SGCD: variants seen among roughly 807,000 people sequenced by gnomAD.
SGCD encodes delta-sarcoglycan.
In SGCD, 18 loss-of-function variants were observed where a neutral mutation model predicts 36.6. The observed-to-expected ratio is 0.49, with a 90% confidence interval of 0.34 to 0.73. SGCD has a LOEUF of 0.73. Ranked by LOEUF, SGCD falls within the 30% of genes least tolerant of loss-of-function variation. The pLI is 0.01. For synonymous variants in SGCD, 133 were observed against 130.6 expected, an observed-to-expected ratio of 1.02 and a Z score of -0.12; for missense variants, 387 against 346.7, an observed-to-expected ratio of 1.12 and a Z score of -0.92.
chr5:155,748,081 C>A, the SGCD span, among the ~76,000 whole-genome samples: 2 of 152,096 alleles, frequency 1.3e-5, no homozygotes, highest in South Asian at 4.2e-4. Context: ...CCAACTCTGA[C>A]CAGGGCTGCT....
intron 1 of SGCD, among the ~76,000 whole-genome samples, chr5:156,098,663 C>T (rs1025592254): frequency 2.0e-5 from 3 of 150,668 alleles, no homozygotes; most frequent in Non-Finnish European, 2.9e-5. Context: ...CACACACACA[C>T]ATTCTCTTTC....
At chr5:156,114,972 T>C (rs987704104) in intron 1 of SGCD, among the ~76,000 whole-genome samples, 2 of 152,048 alleles carry the variant, frequency 1.3e-5, no homozygotes, top group Non-Finnish European at 2.9e-5. Flanking sequence ...ACTTTTATAA[T>C]ATTGTATTAT....
At chr5:156,595,752 C>G (rs1053166292) in intron 6 of SGCD, among the ~76,000 whole-genome samples, 2 of 152,192 alleles carry the variant, frequency 1.3e-5, no homozygotes, top group South Asian at 4.1e-4. Flanking sequence ...GAAGAATCAT[C>G]TAGGAAACTT....
intron 1 of SGCD, among the ~76,000 whole-genome samples, chr5:156,100,112 C>T (rs891419001): frequency 5.3e-5 from 8 of 152,028 alleles, no homozygotes; most frequent in East Asian, 3.9e-4. Flanking sequence ...TGCAAAGTAA[C>T]GACAAAAATA....
chr5:156,758,779 T>C (rs1486170335), intron 8 of SGCD, among the ~76,000 whole-genome samples: 1 of 149,022 alleles, frequency 6.7e-6, no homozygotes, highest in African/African-American at 2.6e-5. Flanking sequence ...GCCCCATAAA[T>C]TGTTAGAAAA....
rs1226610311 is a variant in SGCD, at chr5:156,059,645, G to T, written c.-281-58233G>T. Among the ~76,000 whole-genome samples the T allele has an allele frequency of 1.4e-5, 2 of 146,312 alleles. 1 individual carries two copies. Among genetic ancestry groups the T allele is most frequent in the Non-Finnish European group, 3.1e-5 (2 of 64,956 alleles). ...GGCAGTCCTGCTCTGTGACTTAGCT[G>T]CTACCTGGCTTTGCCAAAGTAATTT... On this transcript the variant is annotated intron_variant, in intron 1 of 9. Transcript: ENST00000517913.
intron 3 of SGCD, among the ~76,000 whole-genome samples, chr5:156,495,158 A>C (rs1018084301): frequency 1.3e-5 from 2 of 152,110 alleles, no homozygotes; most frequent in Admixed American, 1.3e-4. Flanking sequence ...TAGAGCTTAC[A>C]AGTGCAAGCA....
chr5:155,963,407 G>C (rs1300859193), intron 1 of SGCD, among the ~76,000 whole-genome samples: 2 of 152,056 alleles, frequency 1.3e-5, no homozygotes, highest in Non-Finnish European at 2.9e-5. Flanking sequence ...ATTAAAATGA[G>C]TCAAAAAGTC....
chr5:156,556,946 AC>A (rs1759047876), intron 4 of SGCD, among the ~76,000 whole-genome samples: 1 of 152,168 alleles, frequency 6.6e-6, no homozygotes, highest in Non-Finnish European at 1.5e-5. Context: ...AGCAAATTTC[AC>A]ATGTTCTAGA....
chr5:156,129,386 C>T (rs75707756), intron 3 of SGCD, among the ~76,000 whole-genome samples: 3,987 of 152,228 alleles, frequency 0.026, 169 homozygotes, highest in African/African-American at 0.09. Flanking sequence ...GGCTTGGTCA[C>T]AGAAGCTGAA....
At chr5:156,512,191 CAA>C (rs759345867) in intron 4 of SGCD, among the ~76,000 whole-genome samples, 18 of 66,870 alleles carry the variant, frequency 2.7e-4, no homozygotes, top group African/African-American at 6.0e-4. Flanking sequence ...GACTCTGTCT[CAA>C]AAAAAAAAAA....
intron 4 of SGCD, among the ~76,000 whole-genome samples, chr5:156,539,785 A>T (rs1758277487): frequency 6.6e-6 from 1 of 152,034 alleles, no homozygotes; most frequent in East Asian, 1.9e-4. Flanking sequence ...CAGTAGTGGG[A>T]TTGCTGTATC....
chr5:156,036,152 A>C (rs887545310), intron 1 of SGCD, among the ~76,000 whole-genome samples: 2 of 152,292 alleles, frequency 1.3e-5, no homozygotes, highest in East Asian at 1.9e-4. Flanking sequence ...ATTGTCACTA[A>C]ATAAAACTTG....
At position 155,927,958 on chromosome 5, in the gene SGCD, A is replaced by G. The variant is rs1757025315; in HGVS notation, c.-282+57534A>G. ...ACTTTGAACTTGAATTACTTTTGTA[A>G]CTAGAAAAAATTGCATGCTAACTGA... On this transcript the variant is annotated intron_variant, in intron 1 of 9. Transcript: ENST00000517913. 2.0e-5 allele frequency among the ~76,000 whole-genome samples: 3 copies of G among 152,296 alleles called. No individual in the cohort carries two copies. The South Asian group carries it at 6.2e-4, about 32-fold the overall frequency.
At chr5:156,675,288 G>A (rs1390209156) in intron 7 of SGCD, among the ~76,000 whole-genome samples, 1 of 152,190 alleles carries the variant, frequency 6.6e-6, no homozygotes, top group Non-Finnish European at 1.5e-5. Flanking sequence ...AGAATGTGGA[G>A]CTTAATAAAT....
In SGCD at chr5:156,691,206, C is replaced by CAAAAAAAAAAAAAAAA. The variant is rs58947494; in HGVS notation, c.575+43675_575+43690dup. Among the ~76,000 whole-genome samples, 4 of 61,852 alleles carry CAAAAAAAAAAAAAAAA rather than the reference C, an allele frequency of 6.5e-5. 1 individual carries two copies. Among genetic ancestry groups the CAAAAAAAAAAAAAAAA allele is most frequent in the African/African-American group, 2.7e-4 (4 of 14,598 alleles). The allele number at this position is 61,852 out of a possible 152,430, so 40.6% of individuals were successfully genotyped here. On this transcript the variant is annotated intron_variant, in intron 7 of 8. Coordinates refer to ENST00000337851, the MANE Select transcript of SGCD (RefSeq NM_000337.6). ...TGGGCAACAGAGCGAGACTCTGTCT[C>CAAAAAAAAAAAAAAAA]AAAAAAAAAAAAAAAAAAAAGAGAG...
chr5:156,371,541 G>C (rs369469527), intron 3 of SGCD, among the ~76,000 whole-genome samples: 1 of 152,290 alleles, frequency 6.6e-6, no homozygotes, highest in Admixed American at 6.5e-5. Context: ...AGAAAGGACC[G>C]AGTGTCAGAA....
intron 4 of SGCD, among the ~76,000 whole-genome samples, chr5:156,562,829 ATT>A (rs1214507646): frequency 1.3e-5 from 2 of 150,936 alleles, no homozygotes; most frequent in African/African-American, 2.4e-5. Flanking sequence ...AATAATTTAT[ATT>A]CTTATACATA....
At position 156,766,989 on chromosome 5, in the gene SGCD, C is replaced by T. The variant is rs1475515592; in HGVS notation, c.*7599C>T. ...CCAGTGCTTTCCTGGTTCAACAACC[C>T]ACCACAAAACCTTAGTAAAAGGATG... On this transcript the variant is annotated 3_prime_UTR_variant, in exon 9 of 9. Transcript: ENST00000337851. 6.6e-6 allele frequency: 1 copy of T among 152,114 alleles called. No individual in the cohort carries two copies. The highest frequency in any genetic ancestry group is 1.5e-5 in the Non-Finnish European group (1 of 68,060). The allele number at this position is 152,114 out of a possible 1,614,324, so 9.4% of individuals were successfully genotyped here. A position where few individuals can be genotyped will look rare whatever the true frequency, so the allele number is the denominator to read the frequency against.
Sources: allele counts gnomAD v4.1 joint callset (sites outside exome capture counted in the v4.1 genomes callset), GRCh38; gene constraint gnomAD v4.1.1; transcripts MANE v1.5; gene names NCBI Gene and HGNC (gene_info 2026-07-23, HGNC 2026-07-21).